Variants in BAZ2B observed in about 807,000 individuals in gnomAD.
BAZ2B encodes bromodomain adjacent to zinc finger domain 2B.
BAZ2B carries 91 observed loss-of-function variants against 246.0 expected under a neutral mutation model. The observed-to-expected ratio is 0.37, with a 90% CI of 0.31 to 0.44. The LOEUF (loss-of-function observed/expected upper bound fraction) is 0.44. Ranked by LOEUF, BAZ2B falls within the 20% of genes least tolerant of loss-of-function variation. The pLI is 1.00. For missense variants in BAZ2B, 2,332 were observed against 2,533.7 expected (o/e 0.92, Z 1.71); for synonymous variants, 855 against 860.0 (o/e 0.99, Z 0.10).
At chr2:159,368,753 T>G (rs1218656452) in intron 27 of BAZ2B, among the ~76,000 whole-genome samples, 1 of 151,906 alleles carries the variant, frequency 6.6e-6, no homozygotes, top group Non-Finnish European at 1.5e-5. Context: ...TTATTAATAT[T>G]TTTTTGCAGA....
chr2:159,472,667 C>G (rs1417985644), intron 3 of BAZ2B, among the ~76,000 whole-genome samples: 3 of 152,120 alleles, frequency 2.0e-5, no homozygotes, highest in Non-Finnish European at 4.4e-5. Context: ...CCATCAATAC[C>G]TAGTTTATTG....
chr2:159,400,913 G>A (rs370987636), intron 16 of BAZ2B, among the ~76,000 whole-genome samples: 13 of 151,954 alleles, frequency 8.6e-5, no homozygotes, highest in South Asian at 2.1e-4. Context: ...GCTTGGTGGC[G>A]GGCACCTGTA....
At chr2:159,600,747 C>T (rs183894515) in intron 1 of BAZ2B, among the ~76,000 whole-genome samples, 7 of 151,904 alleles carry the variant, frequency 4.6e-5, no homozygotes, top group African/African-American at 1.4e-4. Context: ...TCATAGTTGC[C>T]GTTTAGAATC....
the BAZ2B span, among the ~76,000 whole-genome samples, chr2:159,710,443 C>G: frequency 2.0e-5 from 3 of 152,038 alleles, no homozygotes. Context: ...CTCCTGACCT[C>G]GTGATCCACC....
intron 2 of BAZ2B, among the ~76,000 whole-genome samples, chr2:159,483,039 C>A (rs757094941): frequency 6.6e-6 from 1 of 152,052 alleles, no homozygotes; most frequent in Non-Finnish European, 1.5e-5. Context: ...ACGAACTAAC[C>A]CATTCTTTGT....
rs545853192 is a variant in BAZ2B at position 159,546,172 on chromosome 2, A to G, written c.-3+9651T>C. Among the ~76,000 whole-genome samples, 10 of 152,226 alleles carry G rather than the reference A, an allele frequency of 6.6e-5. 1 individual carries two copies. In the South Asian group the frequency reaches 1.9e-3, roughly 28 times the overall value. ...TTGGCTGCGTCCCTGTCCAAATCTC[A>G]TCTTGAATTGTACCTCACACAATTC... On this transcript the variant is annotated intron_variant, in intron 2 of 36. Transcript: ENST00000392783.
chr2:159,331,588 G>A (rs1249144886), intron 34 of BAZ2B, among the ~76,000 whole-genome samples: 1 of 152,092 alleles, frequency 6.6e-6, no homozygotes, highest in Non-Finnish European at 1.5e-5. Context: ...TGTTGGCCAG[G>A]CTGGTCTTGA....
chr2:159,387,862 T>G (rs980650702), intron 21 of BAZ2B, among the ~76,000 whole-genome samples: 6 of 152,126 alleles, frequency 3.9e-5, no homozygotes, highest in Non-Finnish European at 5.9e-5. Context: ...ATATACCCAT[T>G]CTCTGCTTAG....
At chr2:159,556,481 G>A (rs556946887) in intron 1 of BAZ2B, among the ~76,000 whole-genome samples, 2 of 152,024 alleles carry the variant, frequency 1.3e-5, no homozygotes, top group South Asian at 4.2e-4. Flanking sequence ...TTGTTTTTTC[G>A]AGACAGAGTC....
intron 1 of BAZ2B, among the ~76,000 whole-genome samples, chr2:159,564,267 A>AG (rs35148628): frequency 0.12 from 18,189 of 152,182 alleles, 1,258 homozygotes; most frequent in Middle Eastern, 0.22. Flanking sequence ...GGGCTAGTGC[A>AG]GAGTAAGATA....
intron 27 of BAZ2B, among the ~76,000 whole-genome samples, chr2:159,360,017 C>A (rs907764928): frequency 6.6e-6 from 1 of 152,166 alleles, no homozygotes; most frequent in African/African-American, 2.4e-5. Context: ...TGGGCAAAAG[C>A]TGGAAGCATT....
chr2:159,351,052 T>TATA (rs779603169), intron 27 of BAZ2B, among the ~76,000 whole-genome samples: 4 of 151,800 alleles, frequency 2.6e-5, no homozygotes, highest in Admixed American at 2.6e-4. Flanking sequence ...AAACTTAAAG[T>TATA]ATAATAATAA....
intron 3 of BAZ2B, chr2:159,462,101 T>C: frequency 3.9e-6 from 1 of 258,666 alleles, no homozygotes; most frequent in South Asian, 4.9e-5. Context: ...AGGAAACTTT[T>C]TTAAACAGTA....
rs144146234 is a variant in BAZ2B at position 159,490,054 on chromosome 2, A to G, written c.-2-11333T>C. On this transcript the variant is annotated intron_variant, in intron 2 of 36. Transcript: ENST00000392783. ...GTTTTCACCTATTCTTTCTTAGTCA[A>G]TGTCAAAAACTAACTTCTTATAATG... 7.3e-3 allele frequency among the ~76,000 whole-genome samples: 1,112 copies of G among 152,356 alleles called. 12 individuals carry two copies. The highest frequency in any genetic ancestry group is 0.02 in the Middle Eastern group (6 of 294).
chr2:159,385,475 G>T, intron 22 of BAZ2B, 106 bp from the exon 23 acceptor site: 1 of 942,746 alleles, frequency 1.1e-6, no homozygotes, highest in Non-Finnish European at 1.5e-6. Context: ...CTACTGACAA[G>T]AGCTTTATTC....
intron 2 of BAZ2B, among the ~76,000 whole-genome samples, chr2:159,522,738 A>G (rs763227090): frequency 4.0e-4 from 61 of 152,320 alleles, no homozygotes; most frequent in Non-Finnish European, 8.2e-4. Flanking sequence ...ATCAATCTAA[A>G]CACAAGAGAT....
chr2:159,366,649 G>T (rs1360545722), intron 27 of BAZ2B, among the ~76,000 whole-genome samples: 2 of 152,190 alleles, frequency 1.3e-5, no homozygotes, highest in African/African-American at 4.8e-5. Context: ...GAAAGCCTGG[G>T]ATCATATCAC....
chr2:159,435,187 TATAA>T (rs2071974600), intron 8 of BAZ2B: 1 of 151,712 alleles, frequency 6.6e-6, no homozygotes, highest in Non-Finnish European at 1.5e-5. Flanking sequence ...ATAAAATACT[TATAA>T]ATATTTTATT....
chr2:159,319,066 A>G lies in BAZ2B; in HGVS notation c.*1199T>C, dbSNP rs2062412184. 1 of 152,638 alleles carries G rather than the reference A, an allele frequency of 6.6e-6. No homozygotes were observed. The highest frequency in any genetic ancestry group is 2.1e-4 in the South Asian group (1 of 4,828). 9.5% of individuals were successfully genotyped at this position (152,638 alleles called of 1,614,324 possible). A position where few individuals can be genotyped will look rare whatever the true frequency, so the allele number is the denominator to read the frequency against. Reference sequence around the variant, plus strand: ...AAAAGAATGCTACCTTTTCCACAACATTTTATTTTAAATAAAACTTCAAGT... The same window carrying G: ...AAAAGAATGCTACCTTTTCCACAACGTTTTATTTTAAATAAAACTTCAAGT... On this transcript the variant is annotated 3_prime_UTR_variant, in exon 37 of 37. Coordinates refer to ENST00000392783, the MANE Select transcript of BAZ2B (RefSeq NM_013450.4). This position sits in a 1 kb window ranked among gnomAD's most constrained non-coding sequence, Gnocchi z 4.0.
Sources: gnomAD v4.1 joint callset for allele counts (sites outside exome capture counted in the v4.1 genomes callset) on GRCh38, gnomAD v4.1.1 for gene constraint, Gnocchi (gnomAD v3.1) non-coding constraint, MANE v1.5 for transcripts, NCBI Gene and HGNC (gene_info 2026-07-23, HGNC 2026-07-21) for gene names.